The following SNTG1 variants were observed in gnomAD, a reference collection of about 807,000 sequenced individuals.
SNTG1 encodes syntrophin gamma 1.
A neutral mutation model predicts 74.7 loss-of-function variants in SNTG1; 39 were observed. The ratio of observed to expected loss-of-function variants is 0.52; its 90% confidence interval spans 0.40 to 0.68. SNTG1 has a LOEUF of 0.68. Ranked by LOEUF, SNTG1 falls within the 30% of genes least tolerant of loss-of-function variation. The pLI is 0.00. For missense variants in SNTG1, 685 were observed against 609.5 expected, an observed-to-expected ratio of 1.12 and a Z score of -1.30; for synonymous variants, 254 against 217.1, an observed-to-expected ratio of 1.17 and a Z score of -1.49.
chr8:50,546,296 A>G (rs1358062250), intron 11 of SNTG1, among the ~76,000 whole-genome samples: 1 of 152,130 alleles, frequency 6.6e-6, no homozygotes, highest in East Asian at 1.9e-4. Context: ...ATGTAAGAGT[A>G]TATTCATAAA....
At chr8:50,595,181 A>C (rs1040425085) in intron 13 of SNTG1, among the ~76,000 whole-genome samples, 1 of 152,052 alleles carries the variant, frequency 6.6e-6, no homozygotes, top group Non-Finnish European at 1.5e-5. Flanking sequence ...TCAATTTATT[A>C]ATGTTAAAAA....
chr8:49,934,337 A>G (rs558392803), intron 1 of SNTG1, among the ~76,000 whole-genome samples: 10 of 148,088 alleles, frequency 6.8e-5, no homozygotes, highest in Admixed American at 4.8e-4. Flanking sequence ...CTATCTATCT[A>G]CTCAACCCAC....
intron 2 of SNTG1, among the ~76,000 whole-genome samples, chr8:50,225,732 TTGAG>T (rs1234845093): frequency 3.9e-4 from 60 of 152,328 alleles, no homozygotes; most frequent in Middle Eastern, 3.4e-3. Flanking sequence ...ATTTAAGTGC[TTGAG>T]TAAGAGAAAA....
intron 2 of SNTG1, among the ~76,000 whole-genome samples, chr8:50,290,821 T>G (rs1361487504): frequency 6.6e-6 from 1 of 152,006 alleles, no homozygotes; most frequent in Non-Finnish European, 1.5e-5. Context: ...TGCAATGGCG[T>G]GATCTCAGGG....
intron 2 of SNTG1, among the ~76,000 whole-genome samples, chr8:50,314,278 T>G (rs1205157298): frequency 1.3e-5 from 2 of 149,772 alleles, no homozygotes; most frequent in African/African-American, 5.0e-5. Flanking sequence ...CCTGGCTCAT[T>G]TAAAGTTTTC....
At chr8:50,314,330 T>G (rs777191115) in intron 2 of SNTG1, among the ~76,000 whole-genome samples, 8 of 149,668 alleles carry the variant, frequency 5.3e-5, no homozygotes, top group Non-Finnish European at 1.0e-4. Context: ...GGGACATGCT[T>G]CAGTGTAGCT....
intron 8 of SNTG1, among the ~76,000 whole-genome samples, chr8:50,468,367 A>G (rs2093626128): frequency 6.6e-6 from 1 of 152,052 alleles, no homozygotes; most frequent in Non-Finnish European, 1.5e-5. Context: ...TATCTTACTT[A>G]ATTCCTCACT....
chr8:50,394,935 T>G (rs978696965), intron 3 of SNTG1, among the ~76,000 whole-genome samples: 16 of 151,486 alleles, frequency 1.1e-4, no homozygotes, highest in African/African-American at 3.6e-4. Flanking sequence ...AGCTTAAAAA[T>G]GTTTTATATT....
At chr8:50,151,148 A>G (rs750691068) in intron 1 of SNTG1, among the ~76,000 whole-genome samples, 7 of 152,058 alleles carry the variant, frequency 4.6e-5, no homozygotes, top group East Asian at 1.9e-4. Flanking sequence ...GGGATGGTGT[A>G]TGTGTCCAGG....
At chr8:50,117,248 T>C (rs868740191) in intron 1 of SNTG1, among the ~76,000 whole-genome samples, 12 of 152,168 alleles carry the variant, frequency 7.9e-5, no homozygotes, top group African/African-American at 2.4e-4. Flanking sequence ...TGCACACAAT[T>C]TGGACTTGTC....
chr8:50,498,229 G>C (rs2093920938), intron 8 of SNTG1, among the ~76,000 whole-genome samples: 1 of 151,594 alleles, frequency 6.6e-6, no homozygotes, highest in South Asian at 2.1e-4. Context: ...TTAATTCTTA[G>C]TCTCTAAGCA....
At chr8:50,283,556 T>C (rs1234674252) in intron 2 of SNTG1, among the ~76,000 whole-genome samples, 1 of 152,208 alleles carries the variant, frequency 6.6e-6, no homozygotes, top group African/African-American at 2.4e-5. Flanking sequence ...CATTTTATTT[T>C]ATATCCGTCA....
At chr8:50,548,398 A>G (rs1167652728) in intron 11 of SNTG1, among the ~76,000 whole-genome samples, 2 of 152,198 alleles carry the variant, frequency 1.3e-5, no homozygotes, top group Non-Finnish European at 1.5e-5. Context: ...GGAAAGGAAG[A>G]GGGTGTAGTT....
chr8:50,446,781 G>A lies in SNTG1; in HGVS notation c.220-2887G>A, dbSNP rs144392597. Among the ~76,000 whole-genome samples, 72 of 152,246 alleles carry A rather than the reference G, an allele frequency of 4.7e-4. No homozygotes were observed. The East Asian group carries it at 0.01, about 22-fold the overall frequency. ...TAAGAGAAAAACTGTGGTAAAATAAGTGTTACATTTTGCATTTCAAAGATG... is the reference window on the plus strand; with the variant it reads ...TAAGAGAAAAACTGTGGTAAAATAAATGTTACATTTTGCATTTCAAAGATG... On this transcript the variant is annotated intron_variant, in intron 5 of 18. Coordinates refer to ENST00000642720, the MANE Select transcript of SNTG1 (RefSeq NM_018967.5).
intron 1 of SNTG1, among the ~76,000 whole-genome samples, chr8:50,103,414 TC>T (rs1354681911): frequency 1.3e-5 from 2 of 152,194 alleles, no homozygotes; most frequent in African/African-American, 4.8e-5. Flanking sequence ...TGATTTTGTA[TC>T]CTGAGATTTT....
At chr8:50,785,393 A>C (rs2095671858) in intron 18 of SNTG1, among the ~76,000 whole-genome samples, 1 of 152,056 alleles carries the variant, frequency 6.6e-6, no homozygotes, top group African/African-American at 2.4e-5. Context: ...GTAACTATAA[A>C]TAATTGCTAA....
chr8:50,630,094 GT>G (rs1267641868), intron 13 of SNTG1, among the ~76,000 whole-genome samples: 2 of 152,066 alleles, frequency 1.3e-5, no homozygotes, highest in African/African-American at 2.4e-5. Flanking sequence ...AAAATTACAG[GT>G]GATAAAAGGT....
intron 13 of SNTG1, among the ~76,000 whole-genome samples, chr8:50,647,544 T>A (rs1160597989): frequency 6.6e-6 from 1 of 152,042 alleles, no homozygotes; most frequent in Non-Finnish European, 1.5e-5. Context: ...GCTGTGCAAG[T>A]TAGGGCAAGA....
chr8:50,017,525 G>A (rs1270944737), intron 1 of SNTG1, among the ~76,000 whole-genome samples: 2 of 151,740 alleles, frequency 1.3e-5, no homozygotes, highest in African/African-American at 2.4e-5. Flanking sequence ...CTGTTTACAA[G>A]GACACATTTT....
Sources: gnomAD v4.1 joint callset for allele counts (sites outside exome capture counted in the v4.1 genomes callset) on GRCh38, gnomAD v4.1.1 for gene constraint, MANE v1.5 for transcripts, NCBI Gene and HGNC (gene_info 2026-07-23, HGNC 2026-07-21) for gene names.